Variants in EPHB2 observed in about 807,000 individuals in gnomAD.
EPHB2 encodes the protein ephrin type-B receptor 2.
Under a neutral mutation model 96.4 loss-of-function variants are expected in EPHB2, and 18 were observed. That is an observed-to-expected ratio of 0.19 (90% confidence interval 0.13 to 0.28). The LOEUF (loss-of-function observed/expected upper bound fraction) is 0.28. Among genes scored for constraint, EPHB2 ranks in the 10% least tolerant of loss-of-function variants. EPHB2 has a pLI of 1.00. For synonymous variants in EPHB2, 506 were observed against 534.1 expected, an observed-to-expected ratio of 0.95 and a Z score of 0.72; for missense variants, 989 against 1,355.4, an observed-to-expected ratio of 0.73 and a Z score of 4.25.
chr1:22,850,721 G>A (rs144930842), intron 3 of EPHB2, among the ~76,000 whole-genome samples: 162 of 152,330 alleles, frequency 1.1e-3, no homozygotes, highest in Middle Eastern at 3.4e-3. Context: ...TCTCAGGAGG[G>A]TGAGGGATGT....
intron 1 of EPHB2, among the ~76,000 whole-genome samples, chr1:22,772,241 C>A (rs2148407521): frequency 6.6e-6 from 1 of 152,274 alleles, no homozygotes; most frequent in East Asian, 1.9e-4. Context: ...CCGGGGCGGC[C>A]AGTGCTGGCG....
chr1:22,848,024 G>A (rs1483163197), intron 3 of EPHB2, among the ~76,000 whole-genome samples: 1 of 152,154 alleles, frequency 6.6e-6, no homozygotes, highest in Non-Finnish European at 1.5e-5. Flanking sequence ...ATTCAACTCT[G>A]TGCCTAGTGC....
intron 1 of EPHB2, among the ~76,000 whole-genome samples, chr1:22,761,167 A>T (rs1428001884): frequency 6.6e-6 from 1 of 152,232 alleles, no homozygotes; most frequent in African/African-American, 2.4e-5. Flanking sequence ...GAATGCCAGG[A>T]CTGATGTTTT....
intron 3 of EPHB2, among the ~76,000 whole-genome samples, chr1:22,802,651 C>T (rs981319927): frequency 3.3e-5 from 5 of 152,232 alleles, no homozygotes; most frequent in East Asian, 1.9e-4. Context: ...TGTCCACCCG[C>T]ACCACCCAGC....
chr1:22,907,703 T>C (rs1228351861), intron 11 of EPHB2, among the ~76,000 whole-genome samples: 1 of 152,178 alleles, frequency 6.6e-6, no homozygotes, highest in East Asian at 1.9e-4. Flanking sequence ...ATGTCCAAGG[T>C]TGCACAGCCG....
In EPHB2 at chr1:22,875,181, G is replaced by A. The variant is rs139656377; in HGVS notation, c.1304-7178G>A. On this transcript the variant is annotated intron_variant, in intron 5 of 15. Coordinates refer to ENST00000374630, the MANE Select transcript of EPHB2 (RefSeq NM_017449.5). This position sits in a 1 kb window ranked among gnomAD's most constrained non-coding sequence, Gnocchi z 4.2. ...CTGGAAGTTTTATTTGCAGAAATTC[G>A]GTTGTGAGAATTATCGTCAGGTCAT... 1.1e-3 allele frequency among the ~76,000 whole-genome samples: 172 copies of A among 152,274 alleles called. 1 individual carries two copies. The highest frequency in any genetic ancestry group is 4.0e-3 in the African/African-American group (167 of 41,560).
intron 1 of EPHB2, among the ~76,000 whole-genome samples, chr1:22,742,893 CTTTT>C (rs772158428): frequency 6.8e-6 from 1 of 147,184 alleles, no homozygotes; most frequent in African/African-American, 2.5e-5. Context: ...TTATTATGAA[CTTTT>C]TTTTTTTTCT....
intron 8 of EPHB2, among the ~76,000 whole-genome samples, chr1:22,896,004 G>A (rs536318219): frequency 7.9e-5 from 12 of 152,314 alleles, no homozygotes; most frequent in African/African-American, 2.4e-4. Flanking sequence ...TGGCTAGGAC[G>A]GTACAAGCAA....
chr1:22,718,729 G>T (rs1296020441), intron 1 of EPHB2, among the ~76,000 whole-genome samples: 1 of 152,166 alleles, frequency 6.6e-6, no homozygotes, highest in Admixed American at 6.5e-5. Flanking sequence ...ACAGCATTAT[G>T]TGTGTTGCCT....
Position 22,912,579 on chromosome 1 carries a change from C to G in EPHB2, c.2832C>G (p.Val944=). 1 of 1,613,964 alleles carries G rather than the reference C, an allele frequency of 6.2e-7. No individual in the cohort carries two copies. Among genetic ancestry groups the G allele is most frequent in the Non-Finnish European group, 8.5e-7 (1 of 1,180,032 alleles). ...FANAGFTSFD[V]VSQMMMEDIL... ...ATGCCGGCTTCACCTCCTTTGACGT[C>G]GTGTCTCAGATGATGATGGAGTAAG... Residue 944 remains valine, a synonymous_variant, in exon 15 of 16, where the codon GTC becomes GTG. Coordinates refer to ENST00000374630, the MANE Select transcript of EPHB2 (RefSeq NM_017449.5).
intron 1 of EPHB2, among the ~76,000 whole-genome samples, chr1:22,758,902 G>A (rs1167291280): frequency 7.2e-6 from 1 of 139,854 alleles, no homozygotes; most frequent in Non-Finnish European, 1.5e-5. Context: ...TGGCTGGATG[G>A]ATGATGGGTG....
intron 1 of EPHB2, among the ~76,000 whole-genome samples, chr1:22,759,175 C>T (rs1247901235): frequency 6.6e-6 from 1 of 152,164 alleles, no homozygotes; most frequent in African/African-American, 2.4e-5. Context: ...CTCGCTTCCT[C>T]ACCTGCCATG....
chr1:22,761,284 T>G (rs999775607), intron 1 of EPHB2, among the ~76,000 whole-genome samples: 6 of 151,840 alleles, frequency 4.0e-5, no homozygotes, highest in Non-Finnish European at 8.8e-5. Flanking sequence ...AAACAAAGAG[T>G]AGCACGAACA....
At chr1:22,744,748 T>C (rs982386767) in intron 1 of EPHB2, among the ~76,000 whole-genome samples, 11 of 149,210 alleles carry the variant, frequency 7.4e-5, no homozygotes, top group Non-Finnish European at 3.0e-5. Context: ...CTCAGCTATT[T>C]GGGAGGCAGA....
chr1:22,855,245 A>G (rs892668360), intron 3 of EPHB2, among the ~76,000 whole-genome samples: 1 of 152,022 alleles, frequency 6.6e-6, no homozygotes, highest in Non-Finnish European at 1.5e-5. Context: ...CAGCCCCCCT[A>G]CTCTGGGACC....
intron 3 of EPHB2, among the ~76,000 whole-genome samples, chr1:22,828,456 G>A (rs141201353): frequency 8.5e-5 from 13 of 152,288 alleles, no homozygotes; most frequent in African/African-American, 2.9e-4. Context: ...TGAGCATTGA[G>A]TTGACCCAAT....
rs182396404 is a variant in EPHB2, at chr1:22,844,249, C to T, written c.812-18788C>T. On this transcript the variant is annotated intron_variant, in intron 3 of 15. Coordinates refer to ENST00000374630, the MANE Select transcript of EPHB2 (RefSeq NM_017449.5). ...CTGCTTTCCACAATGGCTGAGCTAA[C>T]GTACATTGCCACACTGTTATTAAAA... is the stretch of plus-strand genomic sequence containing the variant. Among the ~76,000 whole-genome samples the T allele has an allele frequency of 3.2e-3, 494 of 152,342 alleles. 5 individuals are homozygous for T. The highest frequency in any genetic ancestry group is 6.5e-3 in the African/African-American group (271 of 41,584).
rs1049642778 is a variant in EPHB2, at chr1:22,912,359, C to T, written c.2697-85C>T. On this transcript the variant is annotated intron_variant, in intron 14 of 15. Transcript: ENST00000374630. ...AAATGGATGCACACGTGCACATTCA[C>T]GCATACGCAGCCTACAGGCATGTCC... 9.5e-5 allele frequency: 150 copies of T among 1,574,530 alleles called. 1 individual carries two copies. Among genetic ancestry groups the T allele is most frequent in the African/African-American group, 9.3e-4 (69 of 74,270 alleles).
chr1:22,768,490 C>T (rs1325109928), intron 1 of EPHB2, among the ~76,000 whole-genome samples: 1 of 151,970 alleles, frequency 6.6e-6, no homozygotes, highest in Non-Finnish European at 1.5e-5. Flanking sequence ...AGTTCAAGAC[C>T]AGCATGGGGA....
Sources: gnomAD v4.1 joint callset for allele counts (sites outside exome capture counted in the v4.1 genomes callset) on GRCh38, gnomAD v4.1.1 for gene constraint, Gnocchi (gnomAD v3.1) non-coding constraint, MANE v1.5 for transcripts, NCBI Gene and HGNC (gene_info 2026-07-23, HGNC 2026-07-21) for gene names.